Variants in ARGLU1 observed in about 807,000 individuals in gnomAD.
ARGLU1 encodes the protein arginine and glutamate rich 1, also known as arginine and glutamate-rich protein 1.
In ARGLU1, 9 loss-of-function variants were observed where a neutral mutation model predicts 37.6. The observed-to-expected ratio is 0.24, with a 90% CI of 0.14 to 0.42. The LOEUF is 0.42. Ranked by LOEUF, ARGLU1 falls within the 10% of genes least tolerant of loss-of-function variation. The probability of loss-of-function intolerance (pLI) is 1.00; values close to 1 mark genes in which losing one functional copy is unlikely to be tolerated. For missense variants in ARGLU1, 211 were observed against 359.2 expected, an observed-to-expected ratio of 0.59 and a Z score of 3.34; for synonymous variants, 166 against 138.5, an observed-to-expected ratio of 1.20 and a Z score of -1.39.
chr13:106,554,891 A>G (rs201635870), intron 3 of ARGLU1, among the ~76,000 whole-genome samples: 2 of 19,398 alleles, frequency 1.0e-4, no homozygotes, highest in Admixed American at 8.5e-4. Context: ...TCAAAAAAAG[A>G]AAAAAAAAAA....
At chr13:106,555,213 C>T (rs771953093) in intron 3 of ARGLU1, among the ~76,000 whole-genome samples, 10 of 151,958 alleles carry the variant, frequency 6.6e-5, no homozygotes, top group Non-Finnish European at 7.4e-5. Flanking sequence ...AAAAATTAGC[C>T]GGGCATGGTG....
Position 106,566,468 on chromosome 13 carries a change from A to G in ARGLU1, c.347+1105T>C, listed in dbSNP as rs73588146. On this transcript the variant is annotated intron_variant, in intron 1 of 3. Transcript: ENST00000400198. ...CTTCATGAGCACTTTCTAAATATTC[A>G]CTGAAGAACTGACCAAGTACGGCTG... 6.2e-3 allele frequency among the ~76,000 whole-genome samples: 939 copies of G among 152,328 alleles called. 12 individuals are homozygous for G. Among genetic ancestry groups the G allele is most frequent in the African/African-American group, 0.022 (897 of 41,572 alleles).
chr13:106,560,795 C>A (rs1293088328), intron 1 of ARGLU1, among the ~76,000 whole-genome samples: 3 of 152,148 alleles, frequency 2.0e-5, no homozygotes, highest in East Asian at 1.9e-4. Flanking sequence ...AAACCTGCAA[C>A]CTTTATCTTT....
At chr13:106,555,470 A>G (rs1051402887) in intron 3 of ARGLU1, among the ~76,000 whole-genome samples, 4 of 152,206 alleles carry the variant, frequency 2.6e-5, no homozygotes, top group Admixed American at 6.5e-5. Context: ...TAATCTACAA[A>G]CTAATCAATC....
Position 106,567,502 on chromosome 13 carries a change from C to T in ARGLU1, c.347+71G>A. On this transcript the variant is annotated intron_variant, in intron 1 of 3. Transcript: ENST00000400198. This position sits in a 1 kb window ranked among gnomAD's most constrained non-coding sequence, Gnocchi z 4.3. ...CATTCTCCCGGCCCGCACCGTCCCG[C>T]CCCGGCCCCACGCCCTCGCCCCGCG... is the stretch of plus-strand genomic sequence containing the variant. 2.6e-6 allele frequency: 3 copies of T among 1,156,578 alleles called. No individual in the cohort carries two copies. In the South Asian group the frequency reaches 3.8e-5, roughly 15 times the overall value. The allele number at this position is 1,156,578 out of a possible 1,614,324, so 71.6% of individuals were successfully genotyped here. A position where few individuals can be genotyped will look rare whatever the true frequency, so the allele number is the denominator to read the frequency against.
chr13:106,548,544 T>C (rs1880452837), intron 3 of ARGLU1, among the ~76,000 whole-genome samples: 1 of 152,112 alleles, frequency 6.6e-6, no homozygotes, highest in Non-Finnish European at 1.5e-5. Flanking sequence ...AGGAGAAAGC[T>C]AACATCCACA....
At chr13:106,550,356 A>G (rs1880503586) in intron 3 of ARGLU1, among the ~76,000 whole-genome samples, 2 of 152,142 alleles carry the variant, frequency 1.3e-5, no homozygotes. Flanking sequence ...ATGTCCAGAA[A>G]TTTATTTTTT....
chr13:106,546,978 G>C (rs557410985), intron 3 of ARGLU1, among the ~76,000 whole-genome samples: 5 of 152,138 alleles, frequency 3.3e-5, no homozygotes, highest in Non-Finnish European at 5.9e-5. Context: ...TAGGCCATGA[G>C]GGGTTCATCC....
intron 2 of ARGLU1, chr13:106,558,879 G>C (rs1057021680): frequency 2.0e-6 from 2 of 985,390 alleles, no homozygotes; most frequent in Non-Finnish European, 2.4e-6. Context: ...CAGAATGCTA[G>C]AATTAGTCCA....
At chr13:106,563,000 AAAAAAAAAC>A (rs1195127648) in intron 1 of ARGLU1, among the ~76,000 whole-genome samples, 2 of 120,904 alleles carry the variant, frequency 1.7e-5, no homozygotes, top group African/African-American at 6.3e-5. Context: ...CAAAAAAAAA[AAAAAAAAAC>A]AAAAAAAAAA....
intron 1 of ARGLU1, among the ~76,000 whole-genome samples, chr13:106,563,501 A>G (rs1379946674): frequency 6.6e-6 from 1 of 152,072 alleles, no homozygotes; most frequent in African/African-American, 2.4e-5. Context: ...TAACGACCAA[A>G]AAAAGGAAGA....
intron 3 of ARGLU1, among the ~76,000 whole-genome samples, chr13:106,545,706 G>C (rs1254604607): frequency 6.6e-6 from 1 of 152,194 alleles, no homozygotes; most frequent in Non-Finnish European, 1.5e-5. Context: ...AGAACGCAAA[G>C]AAGTTTAGAC....
At chr13:106,550,498 T>C (rs1468091075) in intron 3 of ARGLU1, among the ~76,000 whole-genome samples, 1 of 152,220 alleles carries the variant, frequency 6.6e-6, no homozygotes, top group Non-Finnish European at 1.5e-5. Context: ...TTAAAATATT[T>C]GACATTTACA....
rs200011082 is a variant in ARGLU1, at chr13:106,567,523, C to G, written c.347+50G>C. 5,386 of 1,371,834 alleles carry G rather than the reference C, an allele frequency of 3.9e-3. 16 individuals carry two copies. Among genetic ancestry groups the G allele is most frequent in the Non-Finnish European group, 5.1e-3 (4,880 of 965,378 alleles). 85.0% of individuals were successfully genotyped at this position (1,371,834 alleles called of 1,614,324 possible). A position where few individuals can be genotyped will look rare whatever the true frequency, so the allele number is the denominator to read the frequency against. On this transcript the variant is annotated intron_variant, in intron 1 of 3. Coordinates refer to ENST00000400198, the MANE Select transcript of ARGLU1 (RefSeq NM_018011.4). The surrounding 1 kb of genome is among the most constrained non-coding windows in gnomAD (Gnocchi z 4.3). ...CCCGCCCCGGCCCCACGCCCTCGCC[C>G]CGCGCCCTGCTCTCCGCACGCCCCG...
intron 3 of ARGLU1, among the ~76,000 whole-genome samples, chr13:106,553,421 C>T (rs972453173): frequency 7.9e-5 from 12 of 152,132 alleles, no homozygotes; most frequent in Non-Finnish European, 1.5e-4. Flanking sequence ...TATCTTTGTA[C>T]ATAAATTCAT....
rs1191636965 is a variant in ARGLU1, at chr13:106,557,697, A to G, written c.574-566T>C. The G allele has an allele frequency of 2.6e-6, 4 of 1,530,678 alleles. No individual in the cohort carries two copies. The highest frequency in any genetic ancestry group is 2.8e-5 in the African/African-American group (2 of 72,720). 94.8% of individuals were successfully genotyped at this position (1,530,678 alleles called of 1,614,324 possible). A position where few individuals can be genotyped will look rare whatever the true frequency, so the allele number is the denominator to read the frequency against. On this transcript the variant is annotated intron_variant, in intron 2 of 3. Coordinates refer to ENST00000400198, the MANE Select transcript of ARGLU1 (RefSeq NM_018011.4). This position sits in a 1 kb window ranked among gnomAD's most constrained non-coding sequence, Gnocchi z 5.0. ...TTTATAAAGAAACAACATACAAGGAAGGCTGAGCTGAGGAATGCAGATGTT... is the reference window on the plus strand; with the variant it reads ...TTTATAAAGAAACAACATACAAGGAGGGCTGAGCTGAGGAATGCAGATGTT...
At chr13:106,564,100 A>G (rs1477800177) in intron 1 of ARGLU1, among the ~76,000 whole-genome samples, 1 of 152,208 alleles carries the variant, frequency 6.6e-6, no homozygotes, top group Admixed American at 6.5e-5. Context: ...GATGAGAGGA[A>G]GATCTTTTGA....
intron 2 of ARGLU1, chr13:106,558,761 GA>G: frequency 1.0e-6 from 1 of 985,034 alleles, no homozygotes; most frequent in Non-Finnish European, 1.2e-6. Flanking sequence ...ACTCTCTAGA[GA>G]AAAAAAGGAG....
Position 106,559,671 on chromosome 13 carries a change from T to A in ARGLU1, c.348-14A>T, listed in dbSNP as rs1354156432. On this transcript the variant is annotated splice_polypyrimidine_tract_variant and intron_variant, in intron 1 of 3. Transcript: ENST00000400198. ...TCTTGCTGTCGACTAGCAAACAAAG[T>A]GAAAAAAACAAGTTAGGTATTTACT... 19 of 1,595,222 alleles carry A rather than the reference T, an allele frequency of 1.2e-5. No individual in the cohort carries two copies. The Admixed American group carries it at 1.6e-4, about 14-fold the overall frequency.
Sources: gnomAD v4.1 joint callset for allele counts (sites outside exome capture counted in the v4.1 genomes callset) on GRCh38, gnomAD v4.1.1 for gene constraint, Gnocchi (gnomAD v3.1) non-coding constraint, MANE v1.5 for transcripts, NCBI Gene and HGNC (gene_info 2026-07-23, HGNC 2026-07-21) for gene names.